The following CDH18 variants were observed in gnomAD, a reference collection of about 807,000 sequenced individuals.
CDH18 encodes cadherin 18, also known as cadherin-18.
In CDH18, 31 loss-of-function variants were observed where a neutral mutation model predicts 67.9. The observed-to-expected ratio is 0.46, with a 90% CI of 0.34 to 0.62. CDH18 has a LOEUF of 0.62. CDH18 is among the 20% of genes least tolerant of loss of function. The pLI is 0.01. For synonymous variants in CDH18, 362 were observed against 347.2 expected (o/e 1.04, Z -0.48); for missense variants, 890 against 975.5 (o/e 0.91, Z 1.17).
chr5:20,028,563 C>A (rs1448434421), intron 2 of CDH18, among the ~76,000 whole-genome samples: 1 of 152,124 alleles, frequency 6.6e-6, no homozygotes, highest in East Asian at 1.9e-4. Context: ...GTAGCCTCGA[C>A]CTTATTCACA....
intron 1 of CDH18, among the ~76,000 whole-genome samples, chr5:20,385,018 G>A (rs779721003): frequency 6.6e-6 from 1 of 151,982 alleles, no homozygotes; most frequent in Non-Finnish European, 1.5e-5. Flanking sequence ...TGTATTTTTA[G>A]TAGAGATGGG....
intron 9 of CDH18, among the ~76,000 whole-genome samples, chr5:19,524,968 A>G (rs1191221866): frequency 1.3e-5 from 2 of 152,148 alleles, no homozygotes; most frequent in South Asian, 2.1e-4. Context: ...GATGGTCTCC[A>G]TCTCCTGACC....
At chr5:20,344,337 G>A (rs1196758554) in intron 1 of CDH18, among the ~76,000 whole-genome samples, 1 of 152,066 alleles carries the variant, frequency 6.6e-6, no homozygotes, top group Non-Finnish European at 1.5e-5. Flanking sequence ...AAGAATGGGA[G>A]GCTACCCAGG....
intron 1 of CDH18, among the ~76,000 whole-genome samples, chr5:20,549,622 A>G (rs1757526722): frequency 6.6e-6 from 1 of 152,158 alleles, no homozygotes; most frequent in Non-Finnish European, 1.5e-5. Flanking sequence ...AGAAAGTGAG[A>G]AGATTAACTC....
chr5:19,612,608 T>C lies in CDH18; in HGVS notation c.644-7A>G, dbSNP rs372678765. The C allele has an allele frequency of 3.1e-6, 5 of 1,597,912 alleles. No individual in the cohort carries two copies. Among genetic ancestry groups the C allele is most frequent in the African/African-American group, 2.7e-5 (2 of 74,534 alleles). On this transcript the variant is annotated splice_polypyrimidine_tract_variant and splice_region_variant and intron_variant, in intron 5 of 12. Coordinates refer to ENST00000382275, the MANE Select transcript of CDH18 (RefSeq NM_004934.5). Reference sequence around the variant, plus strand: ...AAGGCCGTTCTAATAACTCCTGTAATAGATATATTTTAATAAACAGTATGA... The same window carrying C: ...AAGGCCGTTCTAATAACTCCTGTAACAGATATATTTTAATAAACAGTATGA...
At chr5:20,539,757 A>ACAAAC (rs1756949630) in intron 1 of CDH18, among the ~76,000 whole-genome samples, 1 of 51,338 alleles carries the variant, frequency 1.9e-5, no homozygotes, top group African/African-American at 4.5e-5. Context: ...CACACACACA[A>ACAAAC]ACACACACAC....
chr5:20,388,395 T>C (rs1744507857), intron 1 of CDH18, among the ~76,000 whole-genome samples: 1 of 151,800 alleles, frequency 6.6e-6, no homozygotes, highest in South Asian at 2.1e-4. Context: ...TTTGTATTTC[T>C]ATGGGATCGG....
intron 4 of CDH18, among the ~76,000 whole-genome samples, chr5:19,740,563 C>A (rs980180552): frequency 6.6e-6 from 1 of 152,058 alleles, no homozygotes; most frequent in African/African-American, 2.4e-5. Context: ...AAGACAAACA[C>A]CTTTACCAGC....
chr5:20,093,711 G>C (rs775463609), intron 2 of CDH18, among the ~76,000 whole-genome samples: 3 of 152,140 alleles, frequency 2.0e-5, no homozygotes, highest in Non-Finnish European at 4.4e-5. Context: ...TTAAGGAACA[G>C]GTAAGTGAGT....
chr5:19,792,915 A>G (rs902337205), intron 3 of CDH18, among the ~76,000 whole-genome samples: 4 of 152,160 alleles, frequency 2.6e-5, no homozygotes, highest in African/African-American at 9.7e-5. Context: ...GCACAGAGGC[A>G]TTTGTGATTA....
chr5:19,606,484 A>C (rs545350589), intron 6 of CDH18, among the ~76,000 whole-genome samples: 1 of 152,172 alleles, frequency 6.6e-6, no homozygotes, highest in East Asian at 1.9e-4. Context: ...TTTATCTACT[A>C]AACCAAATAA....
chr5:20,048,718 T>C (rs1344256575), intron 2 of CDH18, among the ~76,000 whole-genome samples: 1 of 151,646 alleles, frequency 6.6e-6, no homozygotes, highest in African/African-American at 2.4e-5. Flanking sequence ...CCAGTCCCTA[T>C]TCTTGGTCTG....
Position 20,427,160 on chromosome 5 carries a change from T to C in CDH18, c.-580+148302A>G, listed in dbSNP as rs567315228. On this transcript the variant is annotated intron_variant, in intron 1 of 14. Transcript: ENST00000507958. Reference sequence around the variant, plus strand: ...ACATTTCGTTTAATATTCTACTTTATATTCAGTCAGGAAAAGAAGTTAAAA... The same window carrying C: ...ACATTTCGTTTAATATTCTACTTTACATTCAGTCAGGAAAAGAAGTTAAAA... Among the ~76,000 whole-genome samples, 9 of 151,322 alleles carry C rather than the reference T, an allele frequency of 5.9e-5. No individual in the cohort carries two copies. In the East Asian group the frequency reaches 1.4e-3, roughly 23 times the overall value.
At chr5:19,993,860 G>T (rs766548590) in intron 2 of CDH18, among the ~76,000 whole-genome samples, 9 of 151,856 alleles carry the variant, frequency 5.9e-5, no homozygotes, top group Non-Finnish European at 1.2e-4. Context: ...GAAGATATTC[G>T]GCTCATATAT....
chr5:20,401,365 T>C (rs112042708), intron 1 of CDH18, among the ~76,000 whole-genome samples: 2,044 of 152,318 alleles, frequency 0.013, 44 homozygotes, highest in African/African-American at 0.047. Context: ...AGTCAAGGAA[T>C]GTAAAGTTTA....
chr5:20,246,168 G>A (rs1052394792), intron 2 of CDH18, among the ~76,000 whole-genome samples: 7 of 152,112 alleles, frequency 4.6e-5, no homozygotes, highest in African/African-American at 1.4e-4. Flanking sequence ...ATTATATAAT[G>A]TATCAAATTA....
At chr5:20,021,721 C>A (rs533000762) in intron 2 of CDH18, among the ~76,000 whole-genome samples, 1 of 152,274 alleles carries the variant, frequency 6.6e-6, no homozygotes, top group African/African-American at 2.4e-5. Context: ...TTCTGTACAG[C>A]CTGTGAAACT....
rs1042864875 is a variant in CDH18, at chr5:19,841,891, A to T, written c.-256-2649T>A. 3.3e-5 allele frequency among the ~76,000 whole-genome samples: 5 copies of T among 152,326 alleles called. No individual in the cohort carries two copies. In the South Asian group the frequency reaches 8.3e-4, roughly 25 times the overall value. On this transcript the variant is annotated intron_variant, in intron 2 of 12. Transcript: ENST00000382275. ...TATGTTTGCGAATCTCAATTATGAC[A>T]ATTATGAAAATAGATATATACTGTG...
Position 20,161,163 on chromosome 5 carries a change from G to A in CDH18, c.-518+94281C>T, listed in dbSNP as rs139054030. Among the ~76,000 whole-genome samples the A allele has an allele frequency of 4.1e-4, 63 of 152,206 alleles. 1 individual carries two copies. The East Asian group carries it at 0.012, about 28-fold the overall frequency. The stretch of plus-strand genomic sequence containing the variant: ...AAACAATATTGATTTATTAATTTTT[G>A]TGATTCTTTTTGTGTTGACTGGATT... On this transcript the variant is annotated intron_variant, in intron 2 of 14. Coordinates refer to the CDH18 transcript ENST00000507958.
Sources: allele counts gnomAD v4.1 joint callset (sites outside exome capture counted in the v4.1 genomes callset), GRCh38; gene constraint gnomAD v4.1.1; transcripts MANE v1.5; gene names NCBI Gene and HGNC (gene_info 2026-07-23, HGNC 2026-07-21).